CACNA1B: variants seen among roughly 807,000 people sequenced by gnomAD.
CACNA1B encodes the protein calcium voltage-gated channel subunit alpha1 B.
A neutral mutation model predicts 247.2 loss-of-function variants in CACNA1B; 70 were observed. The observed-to-expected ratio is 0.28, with a 90% CI of 0.23 to 0.35. The LOEUF is 0.35. Ranked by LOEUF, CACNA1B falls within the 10% of genes least tolerant of loss-of-function variation. The pLI is 1.00. For synonymous variants in CACNA1B, 1,231 were observed against 1,294.4 expected (o/e 0.95, Z 1.05); for missense variants, 2,367 against 3,197.4 (o/e 0.74, Z 6.26).
chr9:138,041,220 C>A (rs1959116982), intron 20 of CACNA1B, among the ~76,000 whole-genome samples: 1 of 152,168 alleles, frequency 6.6e-6, no homozygotes, highest in African/African-American at 2.4e-5. Context: ...GCTTCCCCAC[C>A]TTGAAGCGAA....
intron 10 of CACNA1B, among the ~76,000 whole-genome samples, chr9:137,966,687 T>C (rs979162231): frequency 1.3e-5 from 2 of 151,918 alleles, no homozygotes; most frequent in African/African-American, 2.4e-5. Context: ...TACAGGCACG[T>C]GCCACCACGC....
chr9:138,101,864 T>TG (rs1186127956), intron 37 of CACNA1B, among the ~76,000 whole-genome samples: 3 of 152,204 alleles, frequency 2.0e-5, no homozygotes, highest in Non-Finnish European at 4.4e-5. Context: ...CACAGGCAGG[T>TG]GTCCCAGGGT....
In CACNA1B at chr9:138,087,242, G is replaced by C. The variant is rs557568864; in HGVS notation, c.5094+8984G>C. Among the ~76,000 whole-genome samples the C allele has an allele frequency of 4.0e-5, 6 of 149,564 alleles. 1 individual carries two copies. In the South Asian group the frequency reaches 1.3e-3, roughly 32 times the overall value. On this transcript the variant is annotated intron_variant, in intron 36 of 46. Transcript: ENST00000371372. ...CTCTACTTAAAACATAAAAATTAGC[G>C]GGCATGGTGGTGGGTGCCTGTAATC...
At chr9:138,068,310 G>T (rs549290578) in intron 31 of CACNA1B, among the ~76,000 whole-genome samples, 76 of 152,196 alleles carry the variant, frequency 5.0e-4, no homozygotes, top group Non-Finnish European at 8.8e-4. Flanking sequence ...CGTAAAGCTG[G>T]GTGATGAATA....
chr9:138,047,148 C>A, intron 22 of CACNA1B, 115 bp downstream of exon 22: 2 of 988,122 alleles, frequency 2.0e-6, no homozygotes, highest in African/African-American at 1.6e-5. Context: ...ACAGGGCACC[C>A]CTCCTTCCTC....
At chr9:138,068,208 C>T (rs1959995704) in intron 31 of CACNA1B, among the ~76,000 whole-genome samples, 1 of 152,022 alleles carries the variant, frequency 6.6e-6, no homozygotes, top group Admixed American at 6.6e-5. Flanking sequence ...AAAAGACAAG[C>T]CATGATTAAC....
chr9:138,120,056 G>A (rs371963785), intron 44 of CACNA1B, 109 bp from the exon 45 acceptor site: 2 of 892,268 alleles, frequency 2.2e-6, no homozygotes, highest in Admixed American at 2.4e-5. Context: ...GACCAGGATG[G>A]GGGGCGTGTG....
chr9:138,060,975 G>A (rs186531921), intron 31 of CACNA1B, among the ~76,000 whole-genome samples: 2 of 152,294 alleles, frequency 1.3e-5, no homozygotes, highest in Admixed American at 6.5e-5. Context: ...CTGGTTGCTG[G>A]CCTGGTGGGA....
At chr9:138,042,439 T>C (rs1015549542) in intron 20 of CACNA1B, among the ~76,000 whole-genome samples, 3 of 152,050 alleles carry the variant, frequency 2.0e-5, no homozygotes, top group African/African-American at 7.2e-5. Flanking sequence ...CGAAACTGTG[T>C]CTCCTGTCTC....
At chr9:138,019,705 C>G (rs1037238985) in intron 18 of CACNA1B, among the ~76,000 whole-genome samples, 1 of 152,192 alleles carries the variant, frequency 6.6e-6, no homozygotes, top group Non-Finnish European at 1.5e-5. Context: ...AGTCTTTCCA[C>G]GAGCACTGTT....
rs1957863710 is a variant in CACNA1B at position 137,950,222 on chromosome 9, G to T, written c.967-2052G>T. ...CTCAAGGGAACTTTCCTGGCTGGGA[G>T]GGTTAGAGGTGCCTTGTTCTTGTTC... On this transcript the variant is annotated intron_variant, in intron 6 of 46. Coordinates refer to ENST00000371372, the MANE Select transcript of CACNA1B (RefSeq NM_000718.4). This position sits in a 1 kb window ranked among gnomAD's most constrained non-coding sequence, Gnocchi z 4.8. 6.6e-6 allele frequency among the ~76,000 whole-genome samples: 1 copy of T among 152,212 alleles called. No homozygotes were observed. Among genetic ancestry groups the T allele is most frequent in the South Asian group, 2.1e-4 (1 of 4,834 alleles).
chr9:137,917,146 C>T lies in CACNA1B; in HGVS notation c.776-95C>T, dbSNP rs1197425640. 5.2e-6 allele frequency: 6 copies of T among 1,155,066 alleles called. No individual in the cohort carries two copies. The highest frequency in any genetic ancestry group is 7.4e-6 in the Non-Finnish European group (6 of 813,380). 71.6% of individuals were successfully genotyped at this position (1,155,066 alleles called of 1,614,324 possible). ...TCTGTTGGTGGCTGGTTCCTGCCCA[C>T]CTGCTGTGAGCTCTCCAGAGCCCAG... On this transcript the variant is annotated intron_variant, in intron 5 of 46. Coordinates refer to ENST00000371372, the MANE Select transcript of CACNA1B (RefSeq NM_000718.4). The surrounding 1 kb of genome is among the most constrained non-coding windows in gnomAD (Gnocchi z 5.5).
chr9:138,096,673 G>T, intron 37 of CACNA1B, 62 bp downstream of exon 37: 2 of 1,530,864 alleles, frequency 1.3e-6, no homozygotes, highest in South Asian at 2.4e-5. Context: ...ATCTTGGGAT[G>T]GGCCTGGTGG....
At chr9:137,989,425 G>A (rs115820995) in intron 15 of CACNA1B, among the ~76,000 whole-genome samples, 3 of 152,228 alleles carry the variant, frequency 2.0e-5, no homozygotes, top group African/African-American at 7.2e-5. Context: ...TGTGAGGTGC[G>A]AAAGAGAGGG....
intron 15 of CACNA1B, among the ~76,000 whole-genome samples, chr9:138,001,019 C>T (rs1396691895): frequency 1.3e-5 from 2 of 151,804 alleles, no homozygotes; most frequent in Non-Finnish European, 2.9e-5. Flanking sequence ...TTTTTATCTG[C>T]ATCACAAATG....
At chr9:137,930,889 G>A (rs1957599933) in intron 6 of CACNA1B, among the ~76,000 whole-genome samples, 1 of 151,760 alleles carries the variant, frequency 6.6e-6, no homozygotes, top group Non-Finnish European at 1.5e-5. Context: ...TGCTTTATCT[G>A]ATATTAATCT....
chr9:137,949,330 G>A (rs1278163358), intron 6 of CACNA1B, among the ~76,000 whole-genome samples: 7 of 4,188 alleles, frequency 1.7e-3, no homozygotes, highest in East Asian at 0.018. Context: ...TATGGTGTGC[G>A]TGTAGGTGTG....
In CACNA1B at chr9:138,058,022, CT is replaced by C. The variant is rs757807676; in HGVS notation, c.4107-26del. 5.6e-6 allele frequency: 9 copies of C among 1,603,838 alleles called. No individual in the cohort carries two copies. In the African/African-American group the frequency reaches 9.4e-5, roughly 17 times the overall value. On this transcript the variant is annotated intron_variant, in intron 27 of 46. Transcript: ENST00000371372. This position sits in a 1 kb window ranked among gnomAD's most constrained non-coding sequence, Gnocchi z 4.7. ...AGGGCTGTCTCCTTTGGGGGTTCCCCTGACACTTGCTCTCCTCTTTGCCCAG... is the reference window on the plus strand; with the variant it reads ...AGGGCTGTCTCCTTTGGGGGTTCCCCGACACTTGCTCTCCTCTTTGCCCAG...
chr9:138,043,733 G>A (rs1329165670), intron 20 of CACNA1B, 41 bp from the exon 21 acceptor site: 43 of 1,612,182 alleles, frequency 2.7e-5, no homozygotes, highest in Non-Finnish European at 3.6e-5. Context: ...TGGGCTTCAT[G>A]TGCACTACAC....
Sources: allele counts gnomAD v4.1 joint callset (sites outside exome capture counted in the v4.1 genomes callset), GRCh38; gene constraint gnomAD v4.1.1; non-coding constraint Gnocchi (gnomAD v3.1); transcripts MANE v1.5; gene names NCBI Gene and HGNC (gene_info 2026-07-23, HGNC 2026-07-21).